Variants in LRP8 observed in about 807,000 individuals in gnomAD.
The protein encoded by LRP8 is LDL receptor related protein 8, also known as low-density lipoprotein receptor-related protein 8.
LRP8 carries 46 observed loss-of-function variants against 111.6 expected under a neutral mutation model. That is an observed-to-expected ratio of 0.41 (90% CI 0.33 to 0.53). The LOEUF is 0.53. Among genes scored for constraint, LRP8 ranks in the 20% least tolerant of loss-of-function variants. LRP8 has a pLI of 0.20. For synonymous variants in LRP8, 464 were observed against 511.2 expected (o/e 0.91, Z 1.24); for missense variants, 959 against 1,297.4 (o/e 0.74, Z 4.01).
At position 53,260,498 on chromosome 1, in the gene LRP8, G is replaced by A; in HGVS notation, c.2022C>T (p.Asp674=). 1 of 1,614,190 alleles carries A rather than the reference G, an allele frequency of 6.2e-7. No individual in the cohort carries two copies. Among genetic ancestry groups the A allele is most frequent in the Admixed American group, 1.7e-5 (1 of 60,026 alleles). ...GCTTCAGCTCATGGAAGATGACAAT[G>A]TCATGTGGGTTGTTGAGGTTCTCAG... is the stretch of plus-strand genomic sequence containing the variant. ...ILAENLNNPH[D]IVIFHELKQP... The change falls in exon 13 of 19, where the codon GAC becomes GAT. Residue 674 remains aspartate (D), a synonymous_variant. Transcript: ENST00000306052.
At chr1:53,259,489 C>T (rs1646245003) in intron 13 of LRP8, among the ~76,000 whole-genome samples, 1 of 152,118 alleles carries the variant, frequency 6.6e-6, no homozygotes, top group South Asian at 2.1e-4. Flanking sequence ...ATCCTTGCAA[C>T]AATTCTGAGA....
intron 2 of LRP8, among the ~76,000 whole-genome samples, chr1:53,300,315 A>C (rs1483073784): frequency 6.6e-6 from 1 of 152,184 alleles, no homozygotes; most frequent in Non-Finnish European, 1.5e-5. Context: ...CCTGATGGCC[A>C]GCTCAAGCAT....
In LRP8 at chr1:53,245,754, C is replaced by G. The variant is rs1388581454; in HGVS notation, c.*1264G>C. 6.6e-6 allele frequency: 1 copy of G among 152,502 alleles called. No individual in the cohort carries two copies. Among genetic ancestry groups the G allele is most frequent in the Non-Finnish European group, 1.5e-5 (1 of 68,030 alleles). 9.4% of individuals were successfully genotyped at this position (152,502 alleles called of 1,614,324 possible). A position where few individuals can be genotyped will look rare whatever the true frequency, so the allele number is the denominator to read the frequency against. ...CCTATTTATTACCTTAAAATGTTTC[C>G]CCACATAAAGGAAATGGTAGAGAGT... On this transcript the variant is annotated 3_prime_UTR_variant, in exon 19 of 19. Transcript: ENST00000306052.
intron 1 of LRP8, 115 bp from the exon 2 acceptor site, chr1:53,327,107 G>C: frequency 7.0e-7 from 1 of 1,425,006 alleles, no homozygotes; most frequent in Admixed American, 2.0e-5. Context: ...CGATTATGGA[G>C]ACCCCGGGGG....
At position 53,266,025 on chromosome 1, in the gene LRP8, G is replaced by A. The variant is rs973089446; in HGVS notation, c.1427+448C>T. Among the ~76,000 whole-genome samples, 3 of 152,114 alleles carry A rather than the reference G, an allele frequency of 2.0e-5. No individual in the cohort carries two copies. Among genetic ancestry groups the A allele is most frequent in the East Asian group, 3.9e-4 (2 of 5,168 alleles). On this transcript the variant is annotated intron_variant, in intron 9 of 18. Coordinates refer to ENST00000306052, the MANE Select transcript of LRP8 (RefSeq NM_004631.5). The surrounding 1 kb of genome is among the most constrained non-coding windows in gnomAD (Gnocchi z 5.0). Reference sequence around the variant, plus strand: ...GATCAGATGCCCAGGTGGGTTCGGAGGCCTCCTCTGTACTTTCTCATGATC... The same window carrying A: ...GATCAGATGCCCAGGTGGGTTCGGAAGCCTCCTCTGTACTTTCTCATGATC...
chr1:53,280,648 C>G lies in LRP8; in HGVS notation c.435G>C (p.Ser145=). 6.2e-7 allele frequency: 1 copy of G among 1,613,548 alleles called. No individual in the cohort carries two copies. The highest frequency in any genetic ancestry group is 8.5e-7 in the Non-Finnish European group (1 of 1,180,046). Residue 145 remains serine, a synonymous_variant, in exon 4 of 19, where the codon TCG becomes TCC. Transcript: ENST00000306052. The part of the protein sequence containing the change: ...GPTSHKCVPA[S]WRCDGEKDCE... ...AGTCCTTCTCCCCGTCGCAGCGCCACGAGGCAGGTACACACTTGTGGCTGG... is the reference window on the plus strand; with the variant it reads ...AGTCCTTCTCCCCGTCGCAGCGCCAGGAGGCAGGTACACACTTGTGGCTGG...
Position 53,257,346 on chromosome 1 carries a change from C to G in LRP8, c.2328G>C (p.Glu776Asp). Residue 776 changes from glutamate (E) to aspartate (D), a missense_variant, in exon 15 of 19, where the codon GAG becomes GAC. Physicochemically the swap from Glu to Asp is conservative, Grantham distance 45. This residue lies in a region of LRP8 where 819 missense variants were observed against 1,097.6 expected (regional missense o/e 0.75). Coordinates refer to ENST00000306052, the MANE Select transcript of LRP8 (RefSeq NM_004631.5). ...HRSTYQNHST[E>D]TPSLTAAVPS... ...GGACTGCAGCTGTCAGGCTTGGTGT[C>G]TCTGTGCTGTGGTTCTGGTAGGTGG... The G allele has an allele frequency of 2.5e-6, 4 of 1,614,114 alleles. No homozygotes were observed. The highest frequency in any genetic ancestry group is 2.7e-5 in the African/African-American group (2 of 75,022).
chr1:53,280,550 T>A, intron 4 of LRP8, 37 bp downstream of exon 4: 1 of 1,604,350 alleles, frequency 6.2e-7, no homozygotes. Flanking sequence ...TGCCTGACCA[T>A]GCTTGGCAGA....
chr1:53,258,951 A>C (rs187711797), intron 13 of LRP8, among the ~76,000 whole-genome samples: 1 of 152,294 alleles, frequency 6.6e-6, no homozygotes, highest in African/African-American at 2.4e-5. Flanking sequence ...TTCCAGCTCC[A>C]TCCAAGTTGC....
rs1645715762 is a variant in LRP8, at chr1:53,245,914, T to G, written c.*1104A>C. ...TGGGCTGATCTGGAAACGTCTCCACTTAGCTCTGTAAGGATGGCACCCTTC... is the reference window on the plus strand; with the variant it reads ...TGGGCTGATCTGGAAACGTCTCCACGTAGCTCTGTAAGGATGGCACCCTTC... On this transcript the variant is annotated 3_prime_UTR_variant, in exon 19 of 19. Transcript: ENST00000306052. The G allele has an allele frequency of 6.6e-6, 1 of 152,662 alleles. No homozygotes were observed. Among genetic ancestry groups the G allele is most frequent in the African/African-American group, 2.4e-5 (1 of 41,460 alleles). The allele number at this position is 152,662 out of a possible 1,614,324, so 9.5% of individuals were successfully genotyped here.
chr1:53,286,307 A>G (rs550455053), intron 3 of LRP8, among the ~76,000 whole-genome samples: 4 of 152,314 alleles, frequency 2.6e-5, no homozygotes, highest in Middle Eastern at 3.4e-3. Context: ...TCAGTCCCTA[A>G]CTTACTGAGT....
intron 15 of LRP8, among the ~76,000 whole-genome samples, chr1:53,256,201 G>A (rs1646081572): frequency 6.6e-6 from 1 of 152,192 alleles, no homozygotes; most frequent in Admixed American, 6.5e-5. Flanking sequence ...TGACTGTCCC[G>A]GCAATGGCCC....
intron 12 of LRP8, among the ~76,000 whole-genome samples, chr1:53,261,324 A>G (rs1458916011): frequency 6.6e-6 from 1 of 152,248 alleles, no homozygotes; most frequent in Non-Finnish European, 1.5e-5. Context: ...GTACCAACAC[A>G]CCTGTCCTTT....
intron 12 of LRP8, 124 bp from the exon 13 acceptor site, chr1:53,260,729 TATGG>T: frequency 1.1e-6 from 1 of 940,458 alleles, no homozygotes; most frequent in Non-Finnish European, 1.6e-6. Context: ...CTGTCCTGTC[TATGG>T]ATTCACGGTG....
intron 2 of LRP8, among the ~76,000 whole-genome samples, chr1:53,326,263 G>T (rs1218376780): frequency 6.6e-6 from 1 of 152,252 alleles, no homozygotes; most frequent in Non-Finnish European, 1.5e-5. Flanking sequence ...AAGGATATGC[G>T]CGGGGGTGTG....
rs1646295286 is a variant in LRP8, at chr1:53,260,617, A to T, written c.1915-12T>A. 6.2e-7 allele frequency: 1 copy of T among 1,613,214 alleles called. No homozygotes were observed. Among genetic ancestry groups the T allele is most frequent in the Admixed American group, 1.7e-5 (1 of 59,960 alleles). ...CAGAACACCTTGTCCTGTGGGGTATAGATGCAGAGGATGGGAGGCCTGGAG... is the reference window on the plus strand; with the variant it reads ...CAGAACACCTTGTCCTGTGGGGTATTGATGCAGAGGATGGGAGGCCTGGAG... On this transcript the variant is annotated splice_polypyrimidine_tract_variant and intron_variant, in intron 12 of 18. Transcript: ENST00000306052.
chr1:53,286,072 C>T (rs1647502649), intron 3 of LRP8, among the ~76,000 whole-genome samples: 1 of 152,228 alleles, frequency 6.6e-6, no homozygotes, highest in South Asian at 2.1e-4. Flanking sequence ...TACTTGGCGG[C>T]TGCCCATTGA....
At position 53,311,763 on chromosome 1, in the gene LRP8, C is replaced by T. The variant is rs184751143; in HGVS notation, c.244+15110G>A. On this transcript the variant is annotated intron_variant, in intron 2 of 18. Coordinates refer to ENST00000306052, the MANE Select transcript of LRP8 (RefSeq NM_004631.5). ...GCCAACCAGTGACCCCACTCGTAAC[C>T]ACCACACGCCACGGCCACAGCCCAG... Among the ~76,000 whole-genome samples the T allele has an allele frequency of 2.1e-3, 319 of 152,328 alleles. 1 individual carries two copies. Among genetic ancestry groups the T allele is most frequent in the African/African-American group, 7.5e-3 (312 of 41,558 alleles).
At chr1:53,247,317 G>T (rs1645757039) in intron 18 of LRP8, among the ~76,000 whole-genome samples, 1 of 152,156 alleles carries the variant, frequency 6.6e-6, no homozygotes, top group African/African-American at 2.4e-5. Context: ...CAAAGCTGTA[G>T]ATTTTTTCAT....
Sources: gnomAD v4.1 joint callset for allele counts (sites outside exome capture counted in the v4.1 genomes callset) on GRCh38, gnomAD v4.1.1 for gene constraint, gnomAD v4.1.1 regional missense constraint, Gnocchi (gnomAD v3.1) non-coding constraint, MANE v1.5 for transcripts, NCBI Gene and HGNC (gene_info 2026-07-23, HGNC 2026-07-21) for gene names.